The following KHDRBS2 variants were observed in gnomAD, a reference collection of about 807,000 sequenced individuals.
KHDRBS2 encodes KH RNA binding domain containing, signal transduction associated 2, also known as KH domain-containing, RNA-binding, signal transduction-associated protein 2.
In KHDRBS2, 26 loss-of-function variants were observed where a neutral mutation model predicts 44.3. The observed-to-expected ratio is 0.59, with a 90% CI of 0.43 to 0.81. The LOEUF (loss-of-function observed/expected upper bound fraction) is 0.81, where lower values mean the gene tolerates loss of function less well. KHDRBS2 is among the 40% of genes least tolerant of loss of function. The probability of loss-of-function intolerance (pLI) is 0.00; values close to 1 mark genes in which losing one functional copy is unlikely to be tolerated. For synonymous variants in KHDRBS2, 194 were observed against 151.1 expected (o/e 1.28, Z -2.08); for missense variants, 476 against 433.1 (o/e 1.10, Z -0.88).
intron 2 of KHDRBS2, among the ~76,000 whole-genome samples, chr6:62,071,622 G>A (rs1169963072): frequency 6.6e-6 from 1 of 152,012 alleles, no homozygotes; most frequent in Non-Finnish European, 1.5e-5. Flanking sequence ...GCTTGCTTTT[G>A]TCAGGTTTGT....
At chr6:61,984,553 T>C (rs529309829) in intron 3 of KHDRBS2, among the ~76,000 whole-genome samples, 51 of 152,158 alleles carry the variant, frequency 3.4e-4, no homozygotes, top group Admixed American at 3.3e-3. Context: ...TGGAGTGGTC[T>C]CCAATCAGGG....
At position 61,746,186 on chromosome 6, in the gene KHDRBS2, A is replaced by C. The variant is rs1362736848; in HGVS notation, c.811-13422T>G. ...CCAATCAACCAGAAAGAGACAGATAAAATTGTTAATGCTGTCATGACTAAG... is the reference window on the plus strand; with the variant it reads ...CCAATCAACCAGAAAGAGACAGATACAATTGTTAATGCTGTCATGACTAAG... On this transcript the variant is annotated intron_variant, in intron 6 of 8. Transcript: ENST00000281156. 2.0e-5 allele frequency among the ~76,000 whole-genome samples: 3 copies of C among 152,104 alleles called. No homozygotes were observed. In the East Asian group the frequency reaches 5.8e-4, roughly 29 times the overall value.
the KHDRBS2 span, among the ~76,000 whole-genome samples, chr6:61,669,626 C>T: frequency 3.0e-3 from 457 of 150,226 alleles, 4 homozygotes; most frequent in African/African-American, 0.011. Flanking sequence ...AAATGTTAGC[C>T]CAAGAAAAAA....
the KHDRBS2 span, among the ~76,000 whole-genome samples, chr6:61,571,572 C>G: frequency 0.59 from 89,809 of 151,822 alleles, 26,772 homozygotes; most frequent in African/African-American, 0.61. Flanking sequence ...ACTTAACAGA[C>G]GTTTACAGAA....
chr6:61,939,571 C>T (rs1263719969), intron 4 of KHDRBS2, among the ~76,000 whole-genome samples: 1 of 152,038 alleles, frequency 6.6e-6, no homozygotes, highest in Non-Finnish European at 1.5e-5. Flanking sequence ...TTATTGTTAC[C>T]TAATGTCATA....
At chr6:62,136,528 T>A (rs1290100572) in intron 2 of KHDRBS2, among the ~76,000 whole-genome samples, 2 of 152,258 alleles carry the variant, frequency 1.3e-5, no homozygotes, top group African/African-American at 4.8e-5. Context: ...TAATTTTGTA[T>A]GACTGTCACA....
chr6:61,558,980 T>C, the KHDRBS2 span, among the ~76,000 whole-genome samples: 17 of 152,240 alleles, frequency 1.1e-4, no homozygotes, highest in Admixed American at 1.1e-3. Flanking sequence ...TGACTTCCTG[T>C]CTGGTGGATC....
chr6:62,121,600 G>T (rs974283507), intron 2 of KHDRBS2, among the ~76,000 whole-genome samples: 23 of 152,322 alleles, frequency 1.5e-4, no homozygotes, highest in African/African-American at 5.3e-4. Flanking sequence ...GAAGTAATCT[G>T]CCTTCAGCTG....
intron 3 of KHDRBS2, among the ~76,000 whole-genome samples, chr6:62,047,607 C>T (rs946463451): frequency 6.6e-6 from 1 of 151,536 alleles, no homozygotes; most frequent in African/African-American, 2.4e-5. Flanking sequence ...ACAGAGGACA[C>T]AGAAAAAGTG....
chr6:62,002,457 T>A (rs1778433417), intron 3 of KHDRBS2, among the ~76,000 whole-genome samples: 1 of 151,768 alleles, frequency 6.6e-6, no homozygotes, highest in South Asian at 2.1e-4. Context: ...CTATCATTTT[T>A]GCTATCTGTA....
At chr6:62,259,917 T>C (rs1333871228) in intron 1 of KHDRBS2, among the ~76,000 whole-genome samples, 2 of 152,076 alleles carry the variant, frequency 1.3e-5, no homozygotes, top group Admixed American at 1.3e-4. Flanking sequence ...TACAGTTCTA[T>C]AAGTCTAATT....
intron 1 of KHDRBS2, among the ~76,000 whole-genome samples, chr6:62,236,387 T>C (rs10484618): frequency 0.055 from 8,375 of 152,048 alleles, 318 homozygotes; most frequent in Non-Finnish European, 0.072. Context: ...ATTTCTGATT[T>C]TCAGGATTTA....
At chr6:61,569,164 C>T in the KHDRBS2 span, among the ~76,000 whole-genome samples, 1 of 152,072 alleles carries the variant, frequency 6.6e-6, no homozygotes, top group Admixed American at 6.6e-5. Context: ...CAAAGGCAGC[C>T]AAAATCCCCT....
chr6:62,266,248 T>A (rs538886943), intron 1 of KHDRBS2, among the ~76,000 whole-genome samples: 95 of 152,162 alleles, frequency 6.2e-4, no homozygotes, highest in Non-Finnish European at 1.2e-3. Context: ...CCTTCCCTTA[T>A]CCTTTTGGCT....
chr6:61,651,335 C>A, the KHDRBS2 span, among the ~76,000 whole-genome samples: 1 of 151,966 alleles, frequency 6.6e-6, no homozygotes, highest in Non-Finnish European at 1.5e-5. Flanking sequence ...GGGGATGGAA[C>A]CCAAGTCTAA....
At chr6:61,565,396 A>G in the KHDRBS2 span, among the ~76,000 whole-genome samples, 1 of 152,206 alleles carries the variant, frequency 6.6e-6, no homozygotes, top group African/African-American at 2.4e-5. Flanking sequence ...AAAATGACAG[A>G]AAATATTTAG....
chr6:61,953,673 C>T (rs1382645380), intron 4 of KHDRBS2, among the ~76,000 whole-genome samples: 1 of 151,940 alleles, frequency 6.6e-6, no homozygotes, highest in Non-Finnish European at 1.5e-5. Flanking sequence ...ATTCATTTTT[C>T]TGCGGGAAAA....
chr6:61,605,284 C>T, the KHDRBS2 span, among the ~76,000 whole-genome samples: 1 of 152,100 alleles, frequency 6.6e-6, no homozygotes, highest in Non-Finnish European at 1.5e-5. Flanking sequence ...TCCTATTCAC[C>T]ATTCTCAACT....
At chr6:62,229,112 C>A (rs1190564568) in intron 1 of KHDRBS2, among the ~76,000 whole-genome samples, 2 of 152,120 alleles carry the variant, frequency 1.3e-5, no homozygotes, top group African/African-American at 4.8e-5. Context: ...GGAGGAAAGT[C>A]TAAGTCTGCT....
Sources: gnomAD v4.1 joint callset for allele counts (sites outside exome capture counted in the v4.1 genomes callset) on GRCh38, gnomAD v4.1.1 for gene constraint, MANE v1.5 for transcripts, NCBI Gene and HGNC (gene_info 2026-07-23, HGNC 2026-07-21) for gene names.